The following PTCHD4 variants were observed in gnomAD, a reference collection of about 807,000 sequenced individuals.
PTCHD4 encodes patched domain-containing protein 4.
In PTCHD4, 33 loss-of-function variants were observed where a neutral mutation model predicts 58.1. The ratio of observed to expected loss-of-function variants is 0.57; its 90% CI spans 0.43 to 0.76. The LOEUF (loss-of-function observed/expected upper bound fraction) is 0.76, where lower values mean the gene tolerates loss of function less well. Among genes scored for constraint, PTCHD4 ranks in the 30% least tolerant of loss-of-function variants. The probability of loss-of-function intolerance (pLI) is 0.00; values close to 1 mark genes in which losing one functional copy is unlikely to be tolerated. For missense variants in PTCHD4, 1,058 were observed against 1,027.1 expected (o/e 1.03, Z -0.41); for synonymous variants, 478 against 409.6 (o/e 1.17, Z -2.02).
chr6:47,882,741 G>GAGGTATATATATATATATATATATATAT (rs143060584), intron 4 of PTCHD4, among the ~76,000 whole-genome samples: 1 of 102,374 alleles, frequency 9.8e-6, no homozygotes, highest in Non-Finnish European at 2.1e-5. Flanking sequence ...TGATTCCAGT[G>GAGGTATATATATATATATATATATATAT]ATATATATAT....
intron 4 of PTCHD4, among the ~76,000 whole-genome samples, chr6:47,994,774 G>A (rs1338297929): frequency 6.6e-6 from 1 of 152,202 alleles, no homozygotes; most frequent in Non-Finnish European, 1.5e-5. Flanking sequence ...CGGAAACACA[G>A]CAGTGCTGAG....
chr6:48,050,801 G>A (rs376556379), intron 3 of PTCHD4, among the ~76,000 whole-genome samples: 2 of 151,888 alleles, frequency 1.3e-5, no homozygotes, highest in East Asian at 1.9e-4. Flanking sequence ...TACTGTGTGT[G>A]CATTAAAGGA....
chr6:47,907,930 A>G (rs1332820591), intron 4 of PTCHD4, among the ~76,000 whole-genome samples: 2 of 152,110 alleles, frequency 1.3e-5, no homozygotes, highest in Non-Finnish European at 2.9e-5. Flanking sequence ...TTAGAAGGGG[A>G]GGATTTTGGA....
chr6:48,023,736 CT>C (rs763151242), intron 3 of PTCHD4, among the ~76,000 whole-genome samples: 12 of 152,078 alleles, frequency 7.9e-5, no homozygotes, highest in Non-Finnish European at 1.2e-4. Flanking sequence ...AATATTTTTT[CT>C]TCACAAATAA....
chr6:47,912,726 A>T (rs1043716040), intron 4 of PTCHD4, among the ~76,000 whole-genome samples: 1 of 152,112 alleles, frequency 6.6e-6, no homozygotes, highest in Non-Finnish European at 1.5e-5. Context: ...TAAACCCTTC[A>T]TCTTGTCAAA....
chr6:47,911,204 G>A (rs910728295), intron 4 of PTCHD4, among the ~76,000 whole-genome samples: 5 of 152,080 alleles, frequency 3.3e-5, no homozygotes, highest in Non-Finnish European at 1.5e-5. Context: ...AGAGCAAGGG[G>A]ATAAAAAATA....
intron 3 of PTCHD4, among the ~76,000 whole-genome samples, chr6:48,034,464 C>T (rs913857257): frequency 5.9e-5 from 9 of 151,986 alleles, no homozygotes; most frequent in African/African-American, 2.2e-4. Flanking sequence ...GGCAGTTGAC[C>T]GTTACTTCAT....
At chr6:48,060,432 C>A (rs190291477) in intron 3 of PTCHD4, among the ~76,000 whole-genome samples, 73 of 152,222 alleles carry the variant, frequency 4.8e-4, no homozygotes, top group Middle Eastern at 6.8e-3. Flanking sequence ...CTTTACATAC[C>A]TTTTTAGCTT....
intron 1 of PTCHD4, among the ~76,000 whole-genome samples, chr6:48,072,529 GCC>G (rs916210057): frequency 3.3e-5 from 5 of 152,094 alleles, no homozygotes; most frequent in Non-Finnish European, 7.3e-5. Flanking sequence ...CCTAGAATCA[GCC>G]ACTTCTCCAA....
At chr6:47,891,334 T>C (rs1764375971) in intron 4 of PTCHD4, among the ~76,000 whole-genome samples, 1 of 151,908 alleles carries the variant, frequency 6.6e-6, no homozygotes, top group South Asian at 2.1e-4. Context: ...CCCAGCTGTG[T>C]TGAGTGTTAT....
chr6:48,090,754 A>G (rs1000299178), intron 1 of PTCHD4, among the ~76,000 whole-genome samples: 1 of 152,192 alleles, frequency 6.6e-6, no homozygotes, highest in Non-Finnish European at 1.5e-5. Flanking sequence ...TAAATGTTCA[A>G]ATCATTAAAA....
intron 4 of PTCHD4, among the ~76,000 whole-genome samples, chr6:47,968,651 A>G (rs547853814): frequency 4.2e-4 from 64 of 152,282 alleles, no homozygotes; most frequent in Non-Finnish European, 8.1e-4. Context: ...ATTCCCTTTC[A>G]AATAGTTTGA....
chr6:48,057,463 C>T (rs1764453094), intron 3 of PTCHD4, among the ~76,000 whole-genome samples: 1 of 152,192 alleles, frequency 6.6e-6, no homozygotes, highest in Non-Finnish European at 1.5e-5. Context: ...GACACATACA[C>T]TTACACTTTA....
rs1763289210 is a variant in PTCHD4, at chr6:48,027,478, G to A, written c.418-18364C>T. 2.6e-5 allele frequency among the ~76,000 whole-genome samples: 4 copies of A among 152,182 alleles called. No individual in the cohort carries two copies. The South Asian group carries it at 8.3e-4, about 32-fold the overall frequency. ...ACAGGAAAATAGCTTGAGATGATGG[G>A]TAGCTTTGTGTAAAGTTATAATATG... On this transcript the variant is annotated intron_variant, in intron 3 of 4. Transcript: ENST00000339488.
intron 4 of PTCHD4, among the ~76,000 whole-genome samples, chr6:47,943,585 A>G (rs987934879): frequency 6.6e-6 from 1 of 152,140 alleles, no homozygotes; most frequent in Admixed American, 6.6e-5. Flanking sequence ...CTGGAAAATT[A>G]CAGTTTATCA....
At chr6:48,083,433 A>G (rs991352020) in intron 1 of PTCHD4, among the ~76,000 whole-genome samples, 1 of 152,160 alleles carries the variant, frequency 6.6e-6, no homozygotes, top group Admixed American at 6.5e-5. Flanking sequence ...TTGGGTAATC[A>G]CATTTGCTTA....
chr6:47,864,315 T>TATATACACAC lies in PTCHD4; in HGVS notation c.*13987_*13988insGTGTGTATAT, dbSNP rs142961548. On this transcript the variant is annotated 3_prime_UTR_variant, in exon 5 of 5. Transcript: ENST00000339488. Reference sequence around the variant, plus strand: ...GCCCATTATTTTTGAGATATATATATACACACACACACACATATATATATA... The same window carrying TATATACACAC: ...GCCCATTATTTTTGAGATATATATATATATACACACACACACACACACACATATATATATA... 3.9e-4 allele frequency among the ~76,000 whole-genome samples: 58 copies of TATATACACAC among 148,892 alleles called. No individual in the cohort carries two copies. The highest frequency in any genetic ancestry group is 8.1e-4 in the African/African-American group (33 of 40,742).
intron 4 of PTCHD4, chr6:47,899,530 G>A: frequency 1.0e-6 from 1 of 953,658 alleles, no homozygotes; most frequent in Non-Finnish European, 1.2e-6. Context: ...GCAAGTATTT[G>A]CTGAAATAAC....
At chr6:47,957,182 C>T (rs909664768) in intron 4 of PTCHD4, among the ~76,000 whole-genome samples, 4 of 145,954 alleles carry the variant, frequency 2.7e-5, no homozygotes, top group African/African-American at 5.1e-5. Flanking sequence ...AAAAAAAAAA[C>T]CTTGCCTTTT....
Sources: allele counts gnomAD v4.1 joint callset (sites outside exome capture counted in the v4.1 genomes callset), GRCh38; gene constraint gnomAD v4.1.1; transcripts MANE v1.5; gene names NCBI Gene and HGNC (gene_info 2026-07-23, HGNC 2026-07-21).